The following MLXIP variants were observed in gnomAD, a reference collection of about 807,000 sequenced individuals.
MLXIP encodes the protein MLX interacting protein.
In MLXIP, 30 loss-of-function variants were observed where a neutral mutation model predicts 87.2. That is an observed-to-expected ratio of 0.34 (90% CI 0.26 to 0.47). The LOEUF (loss-of-function observed/expected upper bound fraction) is 0.47, where lower values mean the gene tolerates loss of function less well. Among genes scored for constraint, MLXIP ranks in the 20% least tolerant of loss-of-function variants. The pLI is 1.00. For missense variants in MLXIP, 1,002 were observed against 1,240.1 expected, an observed-to-expected ratio of 0.81 and a Z score of 2.88; for synonymous variants, 530 against 514.0, an observed-to-expected ratio of 1.03 and a Z score of -0.42.
rs192598890 is a variant in MLXIP at position 122,137,929 on chromosome 12, G to A, written c.2155-265G>A. ...GGAGGCAGGGCTGGGTGGGGAAGGC[G>A]GAGCTTGCAGCACCTGGGATGCACC... On this transcript the variant is annotated intron_variant, in intron 12 of 16. Transcript: ENST00000319080. This position sits in a 1 kb window ranked among gnomAD's most constrained non-coding sequence, Gnocchi z 4.1. 2.2e-4 allele frequency among the ~76,000 whole-genome samples: 34 copies of A among 152,332 alleles called. No homozygotes were observed. The highest frequency in any genetic ancestry group is 6.7e-4 in the African/African-American group (28 of 41,572).
At chr12:122,101,566 ATTTTTTTCTT>A (rs1419671471) in intron 1 of MLXIP, among the ~76,000 whole-genome samples, 2 of 136,620 alleles carry the variant, frequency 1.5e-5, no homozygotes, top group Admixed American at 7.5e-5. Context: ...TTATTTATTT[ATTTTTTTCTT>A]TTTTTTTCTT....
Position 122,084,144 on chromosome 12 carries a change from T to TTGTGTGTG in MLXIP, c.413+4920_413+4927dup, listed in dbSNP as rs746678463. 2.4e-3 allele frequency among the ~76,000 whole-genome samples: 328 copies of TTGTGTGTG among 138,238 alleles called. 2 individuals are homozygous for TTGTGTGTG. Among genetic ancestry groups the TTGTGTGTG allele is most frequent in the African/African-American group, 7.9e-3 (291 of 36,748 alleles). 90.7% of individuals were successfully genotyped at this position (138,238 alleles called of 152,430 possible). ...TACCGGGAAGGATATCTCAGCCAGA[T>TTGTGTGTG]TGTGTGTGTGTGTGTGTGTGTGTGT... On this transcript the variant is annotated intron_variant, in intron 1 of 16. Coordinates refer to ENST00000319080, the MANE Select transcript of MLXIP (RefSeq NM_014938.6).
chr12:122,121,297 T>G, intron 1 of MLXIP, among the ~76,000 whole-genome samples: 1 of 138,312 alleles, frequency 7.2e-6, no homozygotes, highest in African/African-American at 2.8e-5. Flanking sequence ...CGCGAGCCAC[T>G]GTGCCCAGCC....
rs1565988955 is a variant in MLXIP at position 122,137,731 on chromosome 12, C to T, written c.2154+141C>T. 1.5e-6 allele frequency: 2 copies of T among 1,362,652 alleles called. No homozygotes were observed. The highest frequency in any genetic ancestry group is 4.6e-5 in the East Asian group (2 of 43,100). The allele number at this position is 1,362,652 out of a possible 1,614,324, so 84.4% of individuals were successfully genotyped here. A position where few individuals can be genotyped will look rare whatever the true frequency, so the allele number is the denominator to read the frequency against. ...GGGGTGGATCAGAAATGGGCTTCTC[C>T]TTGCCCCATGCCACGAACCAGCCCT... On this transcript the variant is annotated intron_variant, in intron 12 of 16. Coordinates refer to ENST00000319080, the MANE Select transcript of MLXIP (RefSeq NM_014938.6). The surrounding 1 kb of genome is among the most constrained non-coding windows in gnomAD (Gnocchi z 4.1).
intron 3 of MLXIP, 164 bp from the exon 4 acceptor site, chr12:122,128,973 A>G: frequency 1.6e-6 from 1 of 638,122 alleles, no homozygotes; most frequent in East Asian, 2.7e-5. Context: ...CTGCTATAGC[A>G]TGGAAGAAGT....
At chr12:122,119,290 A>T (rs1952741558) in intron 1 of MLXIP, among the ~76,000 whole-genome samples, 1 of 152,238 alleles carries the variant, frequency 6.6e-6, no homozygotes, top group South Asian at 2.1e-4. Flanking sequence ...TTCACTTAAC[A>T]GTGCATCTTG....
At chr12:122,134,493 A>C (rs1953047750) in intron 9 of MLXIP, 2 of 156,852 alleles carry the variant, frequency 1.3e-5, no homozygotes, top group Non-Finnish European at 2.8e-5. Flanking sequence ...CAGCCTCCCG[A>C]GTTAGCTGGG....
At chr12:122,130,405 C>G (rs1204150450) in intron 6 of MLXIP, among the ~76,000 whole-genome samples, 1 of 151,892 alleles carries the variant, frequency 6.6e-6, no homozygotes, top group Admixed American at 6.6e-5. Flanking sequence ...AGATACCGTT[C>G]TCTTCACGGG....
intron 1 of MLXIP, among the ~76,000 whole-genome samples, chr12:122,126,140 A>T (rs1952877987): frequency 6.6e-6 from 1 of 152,222 alleles, no homozygotes; most frequent in African/African-American, 2.4e-5. Context: ...GGCTGCCCAG[A>T]GATGGCTCCC....
intron 1 of MLXIP, among the ~76,000 whole-genome samples, chr12:122,086,853 G>T (rs1031705940): frequency 3.3e-5 from 5 of 152,112 alleles, no homozygotes; most frequent in East Asian, 1.9e-4. Flanking sequence ...TTCACTGTCC[G>T]GCCAGACGCC....
intron 1 of MLXIP, among the ~76,000 whole-genome samples, chr12:122,109,330 A>G (rs1208453166): frequency 6.6e-6 from 1 of 152,160 alleles, no homozygotes; most frequent in Non-Finnish European, 1.5e-5. Context: ...TGGCCTCCCA[A>G]AGTGTTGGGA....
Position 122,117,181 on chromosome 12 carries a change from G to A in MLXIP, c.414-10075G>A, listed in dbSNP as rs140350130. Among the ~76,000 whole-genome samples the A allele has an allele frequency of 2.8e-3, 423 of 152,272 alleles. 3 individuals are homozygous for A. The highest frequency in any genetic ancestry group is 9.7e-3 in the African/African-American group (404 of 41,560). On this transcript the variant is annotated intron_variant, in intron 1 of 16. Transcript: ENST00000319080. ...CACCAGCCTTCCCGCCACAGCCCTCGGATCCTACTTCTCCAACAGGATGTT... is the reference window on the plus strand; with the variant it reads ...CACCAGCCTTCCCGCCACAGCCCTCAGATCCTACTTCTCCAACAGGATGTT...
At chr12:122,091,621 A>G (rs893425760) in intron 1 of MLXIP, among the ~76,000 whole-genome samples, 1 of 152,220 alleles carries the variant, frequency 6.6e-6, no homozygotes, top group Admixed American at 6.5e-5. Context: ...AGGGCCAGGA[A>G]ATAGGATATC....
At chr12:122,116,322 G>A (rs1952691457) in intron 1 of MLXIP, among the ~76,000 whole-genome samples, 1 of 151,900 alleles carries the variant, frequency 6.6e-6, no homozygotes, top group Non-Finnish European at 1.5e-5. Flanking sequence ...TAAGTTTTAG[G>A]GTACATGTGC....
At chr12:122,117,211 G>A (rs1262950114) in intron 1 of MLXIP, among the ~76,000 whole-genome samples, 1 of 152,218 alleles carries the variant, frequency 6.6e-6, no homozygotes, top group Non-Finnish European at 1.5e-5. Flanking sequence ...GATGTTCTTT[G>A]AATGTAAGAA....
chr12:122,089,039 G>C (rs1952209909), intron 1 of MLXIP, among the ~76,000 whole-genome samples: 1 of 151,230 alleles, frequency 6.6e-6, no homozygotes, highest in Non-Finnish European at 1.5e-5. Context: ...AAAATTAGCT[G>C]GGTGTGGTGG....
rs1487492257 is a variant in MLXIP, at chr12:122,133,587, G to A, written c.1332G>A (p.Pro444=). 9.5e-6 allele frequency: 14 copies of A among 1,467,444 alleles called. No individual in the cohort carries two copies. Among genetic ancestry groups the A allele is most frequent in the African/African-American group, 1.5e-5 (1 of 64,574 alleles). 90.9% of individuals were successfully genotyped at this position (1,467,444 alleles called of 1,614,324 possible). Residue 444 remains proline (P), a synonymous_variant, in exon 9 of 17, where the codon CCG becomes CCA. Transcript: ENST00000319080. This position sits in a 1 kb window ranked among gnomAD's most constrained non-coding sequence, Gnocchi z 4.9. ...TGCTGTCTCCCAGCCCCGCCCCACCGCCCATCTCCCCCGTGTTACCATTAG... is the reference window on the plus strand; with the variant it reads ...TGCTGTCTCCCAGCCCCGCCCCACCACCCATCTCCCCCGTGTTACCATTAG... ...MPLLSPSPAP[P]PISPVLPLVP... is the part of the protein sequence containing the mutation.
At chr12:122,093,765 T>TG (rs1253266641) in intron 1 of MLXIP, among the ~76,000 whole-genome samples, 4 of 135,472 alleles carry the variant, frequency 3.0e-5, no homozygotes, top group East Asian at 2.3e-4. Context: ...GTGTAGTGTG[T>TG]GTGTGGTGTG....
At chr12:122,110,735 C>T (rs1046979827) in intron 1 of MLXIP, among the ~76,000 whole-genome samples, 4 of 151,524 alleles carry the variant, frequency 2.6e-5, no homozygotes, top group African/African-American at 7.3e-5. Context: ...CATGCCACTG[C>T]ACTCCAGCCT....
Sources: gnomAD v4.1 joint callset for allele counts (sites outside exome capture counted in the v4.1 genomes callset) on GRCh38, gnomAD v4.1.1 for gene constraint, Gnocchi (gnomAD v3.1) non-coding constraint, MANE v1.5 for transcripts, NCBI Gene and HGNC (gene_info 2026-07-23, HGNC 2026-07-21) for gene names.